Variants in CTNNA2 observed in about 807,000 individuals in gnomAD.
CTNNA2 encodes the protein catenin alpha-2.
CTNNA2 carries 42 observed loss-of-function variants against 101.0 expected under a neutral mutation model. The observed-to-expected ratio is 0.42, with a 90% CI of 0.32 to 0.54. The LOEUF (loss-of-function observed/expected upper bound fraction) is 0.54. Ranked by LOEUF, CTNNA2 falls within the 20% of genes least tolerant of loss-of-function variation. CTNNA2 has a pLI of 0.14. For synonymous variants in CTNNA2, 450 were observed against 456.4 expected, an observed-to-expected ratio of 0.99 and a Z score of 0.18; for missense variants, 871 against 1,223.1, an observed-to-expected ratio of 0.71 and a Z score of 4.29.
At chr2:80,408,915 A>G (rs1679304818) in intron 8 of CTNNA2, among the ~76,000 whole-genome samples, 1 of 152,130 alleles carries the variant, frequency 6.6e-6, no homozygotes. Flanking sequence ...TCTAAACAAC[A>G]CAAATAACGA....
chr2:80,138,672 G>T (rs1245022308), intron 7 of CTNNA2, among the ~76,000 whole-genome samples: 1 of 152,008 alleles, frequency 6.6e-6, no homozygotes, highest in African/African-American at 2.4e-5. Context: ...TCATATTCTG[G>T]TTTCATCCTG....
At chr2:79,837,171 G>T (rs1679435952) in intron 3 of CTNNA2, among the ~76,000 whole-genome samples, 1 of 152,114 alleles carries the variant, frequency 6.6e-6, no homozygotes, top group African/African-American at 2.4e-5. Context: ...TGATCACAAG[G>T]TCCCACAATA....
intron 3 of CTNNA2, among the ~76,000 whole-genome samples, chr2:79,783,931 C>A (rs1433749897): frequency 6.6e-6 from 1 of 152,212 alleles, no homozygotes; most frequent in African/African-American, 2.4e-5. Context: ...CATTTCACAG[C>A]AGCTTCTTGC....
chr2:80,262,126 C>T (rs966896294), intron 7 of CTNNA2, among the ~76,000 whole-genome samples: 1 of 151,878 alleles, frequency 6.6e-6, no homozygotes, highest in East Asian at 1.9e-4. Flanking sequence ...AAGATCCTAC[C>T]ACCTGGAAAG....
chr2:80,094,427 A>G (rs1299564018), intron 7 of CTNNA2, among the ~76,000 whole-genome samples: 2 of 152,200 alleles, frequency 1.3e-5, no homozygotes, highest in Non-Finnish European at 2.9e-5. Context: ...TATAGTTTAA[A>G]GTCAGGTAGC....
At chr2:79,928,367 T>C (rs2974149) in intron 7 of CTNNA2, among the ~76,000 whole-genome samples, 23,128 of 152,142 alleles carry the variant, frequency 0.15, 1,944 homozygotes, top group East Asian at 0.26. Flanking sequence ...CTATTGTAGA[T>C]ACTTTGGAAC....
At chr2:79,359,008 T>A (rs1299979802) in intron 3 of CTNNA2, among the ~76,000 whole-genome samples, 31 of 152,110 alleles carry the variant, frequency 2.0e-4, no homozygotes, top group Admixed American at 2.0e-3. Flanking sequence ...TAGGCCACAG[T>A]TACACCTACT....
intron 2 of CTNNA2, among the ~76,000 whole-genome samples, chr2:79,220,616 T>C (rs1465882762): frequency 6.6e-6 from 1 of 152,116 alleles, no homozygotes; most frequent in Admixed American, 6.5e-5. Context: ...CAGATGGGCA[T>C]TGTACATTCT....
At chr2:79,817,103 G>A (rs953870905) in intron 3 of CTNNA2, among the ~76,000 whole-genome samples, 2 of 151,648 alleles carry the variant, frequency 1.3e-5, no homozygotes, top group Admixed American at 1.3e-4. Context: ...TGTTACATAT[G>A]TATACATGTG....
At chr2:80,366,095 A>C (rs1489269856) in intron 7 of CTNNA2, among the ~76,000 whole-genome samples, 1 of 152,182 alleles carries the variant, frequency 6.6e-6, no homozygotes, top group Non-Finnish European at 1.5e-5. Context: ...AACACTTAAC[A>C]TCCCAAATAC....
chr2:79,839,731 C>G (rs1397346871), intron 3 of CTNNA2, among the ~76,000 whole-genome samples: 1 of 151,776 alleles, frequency 6.6e-6, no homozygotes, highest in Non-Finnish European at 1.5e-5. Flanking sequence ...TCTATTATTT[C>G]TAAAGAAAAT....
intron 2 of CTNNA2, among the ~76,000 whole-genome samples, chr2:79,659,647 A>T (rs1299208433): frequency 1.3e-5 from 2 of 151,966 alleles, no homozygotes; most frequent in Non-Finnish European, 2.9e-5. Flanking sequence ...TTCCATTTTC[A>T]TTTTTGAATG....
At chr2:80,597,618 AC>A (rs1195689795) in intron 15 of CTNNA2, among the ~76,000 whole-genome samples, 6 of 152,142 alleles carry the variant, frequency 3.9e-5, no homozygotes, top group African/African-American at 1.4e-4. Flanking sequence ...AAACTTAAAC[AC>A]ATTTACAAGA....
chr2:80,097,757 CGT>C (rs1558805113), intron 7 of CTNNA2, among the ~76,000 whole-genome samples: 1 of 152,142 alleles, frequency 6.6e-6, no homozygotes, highest in Non-Finnish European at 1.5e-5. Flanking sequence ...TCATTCATTT[CGT>C]CTTCCATCGC....
chr2:79,987,050 G>C (rs1691817544), intron 7 of CTNNA2, among the ~76,000 whole-genome samples: 1 of 152,294 alleles, frequency 6.6e-6, no homozygotes, highest in Non-Finnish European at 1.5e-5. Flanking sequence ...CCCGGGCCCA[G>C]AGTGCTGTGT....
intron 2 of CTNNA2, among the ~76,000 whole-genome samples, chr2:79,244,729 T>C (rs887398914): frequency 1.3e-5 from 2 of 152,216 alleles, no homozygotes; most frequent in African/African-American, 4.8e-5. Flanking sequence ...CATTATGTTG[T>C]TCTTTTTTAA....
chr2:79,534,010 G>C (rs2103949934), intron 1 of CTNNA2, among the ~76,000 whole-genome samples: 1 of 151,832 alleles, frequency 6.6e-6, no homozygotes, highest in African/African-American at 2.4e-5. Context: ...AACTATGTTT[G>C]CTGCACAAAT....
At chr2:79,857,396 G>T (rs1247163438) in intron 3 of CTNNA2, among the ~76,000 whole-genome samples, 1 of 152,170 alleles carries the variant, frequency 6.6e-6, no homozygotes, top group African/African-American at 2.4e-5. Context: ...CTTTGTAATG[G>T]CAGAGCCTAG....
chr2:79,946,114 C>T (rs1226745659), intron 7 of CTNNA2, among the ~76,000 whole-genome samples: 1 of 152,036 alleles, frequency 6.6e-6, no homozygotes, highest in African/African-American at 2.4e-5. Flanking sequence ...GTGGTCAGAG[C>T]CCCCTGCATC....
Sources: gnomAD v4.1 joint callset for allele counts (sites outside exome capture counted in the v4.1 genomes callset) on GRCh38, gnomAD v4.1.1 for gene constraint, MANE v1.5 for transcripts, NCBI Gene and HGNC (gene_info 2026-07-23, HGNC 2026-07-21) for gene names.